SHISA6: variants seen among roughly 807,000 people sequenced by gnomAD.
SHISA6 encodes protein shisa-6.
Under a neutral mutation model 47.9 loss-of-function variants are expected in SHISA6, and 22 were observed. That is an observed-to-expected ratio of 0.46 (90% CI 0.33 to 0.66). The LOEUF is 0.66. Among genes scored for constraint, SHISA6 ranks in the 30% least tolerant of loss-of-function variants. The probability of loss-of-function intolerance (pLI) is 0.02; values close to 1 mark genes in which losing one functional copy is unlikely to be tolerated. For synonymous variants in SHISA6, 388 were observed against 337.8 expected (o/e 1.15, Z -1.63); for missense variants, 680 against 764.6 (o/e 0.89, Z 1.30).
In SHISA6 at chr17:11,557,868, G is replaced by A. The variant is rs1165898981; in HGVS notation, c.1220G>A (p.Arg407Lys). ...IQMSQQKPLP[R>K]ERPRRPIRAM... ...ATGTCCCAACAGAAGCCGTTGCCAA[G>A]GGAACGACCCCGCCGGCCCATCCGG... Residue 407 changes from arginine (R) to lysine (K), a missense_variant, in exon 6 of 6, where the codon AGG becomes AAG. This residue lies in a region of SHISA6 where 559 missense variants were observed against 674.1 expected (regional missense o/e 0.83). Transcript: ENST00000441885. 18 of 1,551,488 alleles carry A rather than the reference G, an allele frequency of 1.2e-5. No homozygotes were observed. The highest frequency in any genetic ancestry group is 1.5e-5 in the Non-Finnish European group (17 of 1,147,012).
chr17:11,476,953 A>G (rs762723506), intron 3 of SHISA6, among the ~76,000 whole-genome samples: 1 of 152,196 alleles, frequency 6.6e-6, no homozygotes, highest in Non-Finnish European at 1.5e-5. Context: ...TGTTAGGCAC[A>G]TAAACATTAA....
intron 2 of SHISA6, among the ~76,000 whole-genome samples, chr17:11,278,579 T>C (rs1909010102): frequency 6.6e-6 from 1 of 152,242 alleles, no homozygotes. Context: ...AGTATGTTGA[T>C]ATGGACGTTG....
chr17:11,388,838 A>ATATATATATT (rs1913292843), intron 3 of SHISA6, among the ~76,000 whole-genome samples: 1 of 109,626 alleles, frequency 9.1e-6, no homozygotes, highest in Non-Finnish European at 1.8e-5. Flanking sequence ...ATATATATAT[A>ATATATATATT]TATTTTAAAA....
chr17:11,516,144 T>G (rs1483724623), intron 3 of SHISA6, among the ~76,000 whole-genome samples: 2 of 152,178 alleles, frequency 1.3e-5, no homozygotes, highest in Non-Finnish European at 2.9e-5. Flanking sequence ...ATTAGGAATC[T>G]TTTTTATAAG....
At position 11,555,897 on chromosome 17, in the gene SHISA6, G is replaced by A; in HGVS notation, c.1105+5G>A. ...ATTCATCTCTGAAGAGGCTAAGTAA[G>A]TTGAATTTCCCCCAAGTTGGGGTCT... On this transcript the variant is annotated splice_donor_5th_base_variant and intron_variant, in intron 5 of 5. Transcript: ENST00000441885. 1 of 1,516,422 alleles carries A rather than the reference G, an allele frequency of 6.6e-7. No individual in the cohort carries two copies. The highest frequency in any genetic ancestry group is 8.9e-7 in the Non-Finnish European group (1 of 1,129,374). The allele number at this position is 1,516,422 out of a possible 1,614,324, so 93.9% of individuals were successfully genotyped here.
At chr17:11,490,708 C>T (rs1916454303) in intron 3 of SHISA6, among the ~76,000 whole-genome samples, 1 of 152,186 alleles carries the variant, frequency 6.6e-6, no homozygotes, top group Non-Finnish European at 1.5e-5. Context: ...GAGCCAGAGG[C>T]CTTCCTTGGT....
intron 2 of SHISA6, among the ~76,000 whole-genome samples, chr17:11,267,569 A>C (rs535963509): frequency 6.6e-6 from 1 of 152,292 alleles, no homozygotes; most frequent in South Asian, 2.1e-4. Context: ...ACAAACAAAA[A>C]CAAACTTCCA....
intron 3 of SHISA6, among the ~76,000 whole-genome samples, chr17:11,380,748 A>G (rs563898979): frequency 6.6e-6 from 1 of 152,234 alleles, no homozygotes; most frequent in South Asian, 2.1e-4. Context: ...TTGGAGTCTC[A>G]TGAGGTTGCC....
intron 2 of SHISA6, among the ~76,000 whole-genome samples, chr17:11,276,814 A>G (rs1908916531): frequency 6.6e-6 from 1 of 152,182 alleles, no homozygotes; most frequent in Admixed American, 6.5e-5. Context: ...TGCCAATATT[A>G]TGACTCTTCA....
At chr17:11,391,272 G>A (rs1411363828) in intron 3 of SHISA6, among the ~76,000 whole-genome samples, 1 of 152,116 alleles carries the variant, frequency 6.6e-6, no homozygotes, top group Admixed American at 6.5e-5. Context: ...TAATGAGAAA[G>A]CGATGGGGCT....
At chr17:11,279,928 T>C (rs1436396108) in intron 2 of SHISA6, among the ~76,000 whole-genome samples, 1 of 152,142 alleles carries the variant, frequency 6.6e-6, no homozygotes, top group East Asian at 1.9e-4. Context: ...GATTTTCCTG[T>C]AAAAGAAGCT....
At chr17:11,274,120 T>A (rs1908786636) in intron 2 of SHISA6, among the ~76,000 whole-genome samples, 1 of 152,140 alleles carries the variant, frequency 6.6e-6, no homozygotes, top group Non-Finnish European at 1.5e-5. Flanking sequence ...TCCTGCCTGG[T>A]GGCTGCACAG....
intron 1 of SHISA6, among the ~76,000 whole-genome samples, chr17:11,254,188 C>T (rs1222680678): frequency 3.3e-5 from 5 of 152,308 alleles, no homozygotes; most frequent in African/African-American, 1.2e-4. Flanking sequence ...TGCCTTAGAG[C>T]ATTTCCTGGG....
At chr17:11,555,361 A>C (rs938871312) in intron 4 of SHISA6, among the ~76,000 whole-genome samples, 3 of 152,134 alleles carry the variant, frequency 2.0e-5, no homozygotes, top group African/African-American at 4.8e-5. Flanking sequence ...GGTTTGCCTA[A>C]AGCTATTAGG....
intron 2 of SHISA6, among the ~76,000 whole-genome samples, chr17:11,294,534 C>G (rs893645928): frequency 6.6e-6 from 1 of 152,312 alleles, no homozygotes; most frequent in African/African-American, 2.4e-5. Flanking sequence ...ATTTAACAGA[C>G]AGAATCCCAC....
intron 3 of SHISA6, among the ~76,000 whole-genome samples, chr17:11,404,677 C>T (rs1175947400): frequency 6.6e-6 from 1 of 152,170 alleles, no homozygotes; most frequent in African/African-American, 2.4e-5. Context: ...CGCCCAAGCA[C>T]ACACAGTAAT....
At chr17:11,262,736 TC>T (rs1307030822) in intron 1 of SHISA6, among the ~76,000 whole-genome samples, 2 of 152,224 alleles carry the variant, frequency 1.3e-5, no homozygotes, top group African/African-American at 4.8e-5. Context: ...CTCTCTTTCT[TC>T]CTGTGTATTT....
intron 1 of SHISA6, among the ~76,000 whole-genome samples, chr17:11,249,346 G>A: frequency 6.6e-6 from 1 of 151,882 alleles, no homozygotes; most frequent in East Asian, 1.9e-4. Context: ...ATGTGTGTGT[G>A]ATTTCAGGGT....
At chr17:11,389,817 C>T (rs561195595) in intron 3 of SHISA6, among the ~76,000 whole-genome samples, 2 of 152,314 alleles carry the variant, frequency 1.3e-5, no homozygotes, top group South Asian at 2.1e-4. Context: ...TATGTGCCAG[C>T]CCTTGGCATT....
Sources: gnomAD v4.1 joint callset for allele counts (sites outside exome capture counted in the v4.1 genomes callset) on GRCh38, gnomAD v4.1.1 for gene constraint, gnomAD v4.1.1 regional missense constraint, MANE v1.5 for transcripts, NCBI Gene and HGNC (gene_info 2026-07-23, HGNC 2026-07-21) for gene names.